TNNT1: variants seen among roughly 807,000 people sequenced by gnomAD.
TNNT1 encodes troponin T1, slow skeletal type.
TNNT1 carries 53 observed loss-of-function variants against 50.6 expected under a neutral mutation model. That is an observed-to-expected ratio of 1.05 (90% confidence interval 0.84 to 1.32). The LOEUF (loss-of-function observed/expected upper bound fraction) is 1.32, where lower values mean the gene tolerates loss of function less well. TNNT1 is among the 40% of genes most tolerant of loss of function. The pLI is 0.00. For synonymous variants in TNNT1, 142 were observed against 138.0 expected (o/e 1.03, Z -0.20); for missense variants, 348 against 381.7 (o/e 0.91, Z 0.74).
chr19:55,137,270 G>A (rs922645747), intron 10 of TNNT1, 58 bp from the exon 11 acceptor site: 18 of 1,273,236 alleles, frequency 1.4e-5, no homozygotes, highest in East Asian at 4.6e-5. Flanking sequence ...GAGCACTGCC[G>A]TGTCGGGACC....
rs533461330 is a variant in TNNT1, at chr19:55,133,249, G to A, written c.792-289C>T. On this transcript the variant is annotated intron_variant, in intron 13 of 13. Transcript: ENST00000588981. The stretch of plus-strand genomic sequence containing the variant: ...TCAGGGGCCAGGGTGGGGGGAGGAA[G>A]GGTTGGATGATCTGGGCATGGGTGG... Among the ~76,000 whole-genome samples the A allele has an allele frequency of 9.6e-4, 146 of 152,178 alleles. 1 individual carries two copies. The highest frequency in any genetic ancestry group is 3.4e-3 in the African/African-American group (140 of 41,498).
At chr19:55,140,100 G>C (rs1374487483) in intron 9 of TNNT1, among the ~76,000 whole-genome samples, 1 of 151,090 alleles carries the variant, frequency 6.6e-6, no homozygotes, top group Non-Finnish European at 1.5e-5. Context: ...TCCAGCCTGG[G>C]TGACAGAGCG....
intron 1 of TNNT1, among the ~76,000 whole-genome samples, chr19:55,148,861 C>G (rs766966313): frequency 6.6e-6 from 1 of 152,092 alleles, no homozygotes; most frequent in Non-Finnish European, 1.5e-5. Flanking sequence ...CCAGATATCC[C>G]TGACTGCTGA....
At chr19:55,147,682 T>TCTGAGGGAGGAGGGGCTGGGGGC (rs1568851098) in intron 1 of TNNT1, among the ~76,000 whole-genome samples, 3 of 22,146 alleles carry the variant, frequency 1.4e-4, no homozygotes, top group African/African-American at 5.3e-4. Flanking sequence ...GGGGCTGGGG[T>TCTGAGGGAGGAGGGGCTGGGGGC]CTGGACTCCT....
In TNNT1 at chr19:55,137,134, C is replaced by T. The variant is rs141774400; in HGVS notation, c.580G>A (p.Asp194Asn). 422 of 1,563,316 alleles carry T rather than the reference C, an allele frequency of 2.7e-4. 1 individual carries two copies. The highest frequency in any genetic ancestry group is 3.5e-4 in the Non-Finnish European group (401 of 1,149,328). The stretch of plus-strand genomic sequence containing the variant: ...TGTTCCTCCCCCATGTAGTCAATGT[C>T]CAGAGGCTTCTTACGCTCGGAGAGG... ...RILSERKKPLDIDYMGEEQLR... is the reference protein window; with the variant it reads ...RILSERKKPLNIDYMGEEQLR... Residue 194 changes from aspartate (D) to asparagine (N), a missense_variant, in exon 11 of 14, where the codon GAC (aspartate) becomes AAC (asparagine). Physicochemically the swap from Asp to Asn is conservative, Grantham distance 23. Coordinates refer to ENST00000588981, the MANE Select transcript of TNNT1 (RefSeq NM_003283.6).
At chr19:55,133,282 G>A (rs377143151) in intron 13 of TNNT1, among the ~76,000 whole-genome samples, 103 of 152,118 alleles carry the variant, frequency 6.8e-4, no homozygotes, top group Middle Eastern at 6.8e-3. Flanking sequence ...TGGGTAACAC[G>A]CAGGAAGGGC....
chr19:55,142,316 C>T (rs374966595), intron 6 of TNNT1, among the ~76,000 whole-genome samples: 2,131 of 148,630 alleles, frequency 0.014, 107 homozygotes, highest in African/African-American at 0.052. Flanking sequence ...AGAGACGGGG[C>T]TTCACTGTGT....
intron 7 of TNNT1, 100 bp downstream of exon 7, chr19:55,141,757 G>C (rs1270826648): frequency 1.1e-5 from 15 of 1,389,656 alleles, no homozygotes; most frequent in Non-Finnish European, 1.5e-5. Flanking sequence ...TGGGATTACA[G>C]GCATGAGGCC....
rs766404711 is a variant in TNNT1 at position 55,132,864 on chromosome 19, T to C, written c.*51A>G. On this transcript the variant is annotated 3_prime_UTR_variant, in exon 14 of 14. Transcript: ENST00000588981. ...GGGAGCGTTTATTTCAAGCTACCGA[T>C]GGGACAAACACTCCCAGGCTTCCCA... 1.9e-6 allele frequency: 3 copies of C among 1,560,206 alleles called. No homozygotes were observed. The highest frequency in any genetic ancestry group is 1.2e-5 in the South Asian group (1 of 85,346).
rs1177431975 is a variant in TNNT1, at chr19:55,139,249, C to T, written c.388-1175G>A. The stretch of plus-strand genomic sequence containing the variant: ...TCCTGGCCTCAGGTGATCCACTTGT[C>T]TCGGTCTCCCAAAGTGCTGGGATTA... On this transcript the variant is annotated intron_variant, in intron 9 of 13. Transcript: ENST00000588981. 3.3e-5 allele frequency among the ~76,000 whole-genome samples: 5 copies of T among 152,340 alleles called. No individual in the cohort carries two copies. In the East Asian group the frequency reaches 9.6e-4, roughly 29 times the overall value.
In TNNT1 at chr19:55,147,008, C is replaced by T. The variant is rs533504444; in HGVS notation, c.46G>A (p.Glu16Lys). Reference sequence around the variant, plus strand: ...TAGGGCCGGCCCACTCCCTACTCACCTTCCGGCTGCTCCCTGCGGACGGGT... The same window carrying T: ...TAGGGCCGGCCCACTCCCTACTCACTTTCCGGCTGCTCCCTGCGGACGGGT... ...EQEYEEEQPEEEAAEEEEEAP... is the reference protein window; with the variant it reads ...EQEYEEEQPEKEAAEEEEEAP... The change falls in exon 3 of 14, where the codon GAG (glutamate) becomes AAG (lysine). Residue 16 changes from glutamate to lysine, a missense_variant and splice_region_variant. This residue lies in a region of TNNT1 where 90 missense variants were observed against 70.8 expected (regional missense o/e 1.27). Transcript: ENST00000588981. 3.1e-6 allele frequency: 5 copies of T among 1,609,954 alleles called. No homozygotes were observed. In the East Asian group the frequency reaches 8.9e-5, roughly 29 times the overall value.
intron 6 of TNNT1, among the ~76,000 whole-genome samples, chr19:55,145,032 G>A (rs371170662): frequency 6.6e-6 from 1 of 151,892 alleles, no homozygotes; most frequent in East Asian, 1.9e-4. Flanking sequence ...GGTGGCTTGC[G>A]CCTGTAATCC....
At chr19:55,134,243 G>A (rs1345264757) in intron 11 of TNNT1, 39 bp from the exon 12 acceptor site, 18 of 1,547,510 alleles carry the variant, frequency 1.2e-5, no homozygotes, top group Non-Finnish European at 1.5e-5. Flanking sequence ...GCCCAGAGAG[G>A]TTGTGGGAAC....
rs551631091 is a variant in TNNT1 at position 55,146,545 on chromosome 19, A to T, written c.74-79T>A. 8.0e-3 allele frequency: 9,113 copies of T among 1,132,410 alleles called. 77 individuals carry two copies. The highest frequency in any genetic ancestry group is 0.029 in the South Asian group (1,544 of 53,622). 70.1% of individuals were successfully genotyped at this position (1,132,410 alleles called of 1,614,324 possible). On this transcript the variant is annotated intron_variant, in intron 4 of 13. Transcript: ENST00000588981. ...CACGCCCGGGCGCGGGAGGGGAGAG[A>T]GGGAAGAGACGTGAGAGGCTGTTAG...
chr19:55,141,098 G>T, intron 8 of TNNT1, 88 bp downstream of exon 8: 1 of 1,476,546 alleles, frequency 6.8e-7, no homozygotes. Context: ...CTCTGTACTA[G>T]GAGGAAAACT....
chr19:55,147,848 G>A (rs2085608605), intron 1 of TNNT1, among the ~76,000 whole-genome samples: 1 of 150,708 alleles, frequency 6.6e-6, no homozygotes, highest in African/African-American at 2.4e-5. Context: ...CTGGATCTAA[G>A]GGAGGAGAGG....
chr19:55,142,315 G>C lies in TNNT1; in HGVS notation c.129-395C>G, dbSNP rs540416867. On this transcript the variant is annotated intron_variant, in intron 6 of 13. Coordinates refer to ENST00000588981, the MANE Select transcript of TNNT1 (RefSeq NM_003283.6). ...TTTCTGTATTTTTAGTAGAGACGGG[G>C]CTTCACTGTGTTAGCCAGGATGGTC... 1.1e-3 allele frequency among the ~76,000 whole-genome samples: 161 copies of C among 151,274 alleles called. 1 individual carries two copies. The highest frequency in any genetic ancestry group is 3.7e-3 in the African/African-American group (150 of 40,904).
At chr19:55,140,665 T>C (rs1365933138) in intron 9 of TNNT1, 3 of 225,528 alleles carry the variant, frequency 1.3e-5, no homozygotes, top group Non-Finnish European at 2.6e-5. Flanking sequence ...TAGTCCCAGC[T>C]ACTGGGGAGG....
intron 11 of TNNT1, chr19:55,135,414 C>T (rs967003943): frequency 4.5e-6 from 1 of 222,904 alleles, no homozygotes; most frequent in Non-Finnish European, 9.2e-6. Context: ...TCTTTCTTTT[C>T]TTTTTTTTTT....
Sources: gnomAD v4.1 joint callset for allele counts (sites outside exome capture counted in the v4.1 genomes callset) on GRCh38, gnomAD v4.1.1 for gene constraint, gnomAD v4.1.1 regional missense constraint, MANE v1.5 for transcripts, NCBI Gene and HGNC (gene_info 2026-07-23, HGNC 2026-07-21) for gene names.